Variants in PPL observed in about 807,000 individuals in gnomAD.
PPL encodes 190 kDa paraneoplastic pemphigus antigen.
PPL carries 198 observed loss-of-function variants against 194.4 expected under a neutral mutation model. That is an observed-to-expected ratio of 1.02 (90% CI 0.91 to 1.15). PPL has a LOEUF of 1.15. Ranked by LOEUF, PPL falls within the 50% of genes most tolerant of loss-of-function variation. PPL has a pLI of 0.00. For synonymous variants in PPL, 1,220 were observed against 972.4 expected, an observed-to-expected ratio of 1.25 and a Z score of -4.74; for missense variants, 2,885 against 2,294.8, an observed-to-expected ratio of 1.26 and a Z score of -5.25.
chr16:4,884,713 C>T lies in PPL; in HGVS notation c.3942G>A (p.Lys1314=), dbSNP rs145644158. 2 of 1,614,056 alleles carry T rather than the reference C, an allele frequency of 1.2e-6. No homozygotes were observed. The highest frequency in any genetic ancestry group is 1.3e-5 in the African/African-American group (1 of 74,932). ...TKEEVASLRA[K]LSEEQKKQVD... ...CTTGTTTCTTCTGCTCCTCTGAGAG[C>T]TTTGCCCTCAGAGACGCCACCTCCT... The change falls in exon 22 of 22, where the codon AAG becomes AAA. Residue 1314 remains lysine, a synonymous_variant. Transcript: ENST00000345988. This position sits in a 1 kb window ranked among gnomAD's most constrained non-coding sequence, Gnocchi z 5.7.
chr16:4,924,681 C>G (rs968057342), intron 1 of PPL, among the ~76,000 whole-genome samples: 3 of 152,170 alleles, frequency 2.0e-5, no homozygotes, highest in African/African-American at 7.2e-5. Flanking sequence ...CCCACTGGAG[C>G]CTGGTGCCTG....
intron 1 of PPL, among the ~76,000 whole-genome samples, chr16:4,928,487 G>C (rs1455318706): frequency 6.6e-6 from 1 of 152,258 alleles, no homozygotes; most frequent in Middle Eastern, 3.2e-3. Context: ...ACACACCAGA[G>C]CTGCTGGCTG....
intron 12 of PPL, 46 bp downstream of exon 12, chr16:4,894,421 T>C: frequency 6.2e-7 from 1 of 1,600,188 alleles, no homozygotes; most frequent in Non-Finnish European, 8.5e-7. Context: ...TGAGAAGCCC[T>C]GGGGGTGGGA....
At chr16:4,912,713 G>A (rs893646382) in intron 1 of PPL, among the ~76,000 whole-genome samples, 5 of 152,282 alleles carry the variant, frequency 3.3e-5, no homozygotes, top group South Asian at 4.1e-4. Flanking sequence ...ACTGGGTTCC[G>A]TGGTGACACT....
At position 4,890,285 on chromosome 16, in the gene PPL, C is replaced by G. The variant is rs765551088; in HGVS notation, c.2212G>C (p.Gly738Arg). The G allele has an allele frequency of 1.2e-6, 2 of 1,614,046 alleles. No homozygotes were observed. Among genetic ancestry groups the G allele is most frequent in the Non-Finnish European group, 1.7e-6 (2 of 1,180,038 alleles). The stretch of plus-strand genomic sequence containing the variant: ...AGGAACTGCAGCACGTGGTCATGGC[C>G]GCGGTGGAAGTGCTCGTAGGCTGCC... ...AKAAYEHFHR[G>R]HDHVLQFLVS... is the part of the protein sequence containing the mutation. The change falls in exon 18 of 22, where the codon GGC becomes CGC. Residue 738 changes from glycine (G) to arginine (R), a missense_variant. By Grantham distance (125) the Gly-to-Arg change is moderately radical. Coordinates refer to ENST00000345988, the MANE Select transcript of PPL (RefSeq NM_002705.5).
intron 2 of PPL, among the ~76,000 whole-genome samples, chr16:4,906,857 T>A (rs1174885674): frequency 1.3e-5 from 2 of 152,168 alleles, no homozygotes; most frequent in Non-Finnish European, 2.9e-5. Flanking sequence ...GTTATCTGGG[T>A]ACCTATTGAT....
intron 8 of PPL, among the ~76,000 whole-genome samples, chr16:4,898,503 T>C (rs960152898): frequency 2.6e-5 from 4 of 152,014 alleles, no homozygotes; most frequent in Non-Finnish European, 5.9e-5. Context: ...CTGACTGATA[T>C]CCTTATAAGA....
intron 1 of PPL, among the ~76,000 whole-genome samples, chr16:4,935,288 A>T (rs1363245733): frequency 6.6e-6 from 1 of 152,126 alleles, no homozygotes; most frequent in African/African-American, 2.4e-5. Context: ...CAGGATGGAG[A>T]GCTGCACGAA....
At chr16:4,914,734 A>G (rs1333549112) in intron 1 of PPL, among the ~76,000 whole-genome samples, 2 of 152,168 alleles carry the variant, frequency 1.3e-5, no homozygotes, top group Non-Finnish European at 2.9e-5. Flanking sequence ...GGAGAAAGCC[A>G]GTGTTTGGCG....
At chr16:4,895,781 G>A in intron 9 of PPL, 65 bp from the exon 10 acceptor site, 1 of 1,608,054 alleles carries the variant, frequency 6.2e-7, no homozygotes, top group Non-Finnish European at 8.5e-7. Context: ...TTCTGTCGGA[G>A]GCTTCAAGCT....
At chr16:4,925,625 T>C (rs2089142059) in intron 1 of PPL, among the ~76,000 whole-genome samples, 1 of 152,214 alleles carries the variant, frequency 6.6e-6, no homozygotes. Context: ...GGTGTTGAAC[T>C]GAGCAGATGT....
At position 4,885,098 on chromosome 16, in the gene PPL, C is replaced by G. The variant is rs2142325291; in HGVS notation, c.3557G>C (p.Ser1186Thr). Residue 1186 changes from serine (S) to threonine (T), a missense_variant, in exon 22 of 22, where the codon AGT (serine) becomes ACT (threonine). Transcript: ENST00000345988. This position sits in a 1 kb window ranked among gnomAD's most constrained non-coding sequence, Gnocchi z 6.3. Reference protein sequence around the residue: ...EIVRPDPKAESEVANLRLELV... With the variant: ...EIVRPDPKAETEVANLRLELV... ...CTCCAGGCGGAGGTTCGCCACTTCA[C>G]TTTCCGCCTTGGGGTCTGGCCGCAC... The G allele has an allele frequency of 6.2e-7, 1 of 1,613,904 alleles. No individual in the cohort carries two copies. Among genetic ancestry groups the G allele is most frequent in the Non-Finnish European group, 8.5e-7 (1 of 1,180,036 alleles).
In PPL at chr16:4,893,514, C is replaced by G. The variant is rs775241144; in HGVS notation, c.1492+27G>C. 7 of 1,609,860 alleles carry G rather than the reference C, an allele frequency of 4.3e-6. 1 individual carries two copies. In the Admixed American group the frequency reaches 1.2e-4, roughly 27 times the overall value. On this transcript the variant is annotated intron_variant, in intron 13 of 21. Transcript: ENST00000345988. ...CCCCTCCTCCCCGGTACCCCCAGAG[C>G]CTCAGGCGAGTGGCCCTGGCACCCA...
intron 1 of PPL, among the ~76,000 whole-genome samples, chr16:4,935,456 T>C (rs1490948109): frequency 1.3e-5 from 2 of 152,020 alleles, no homozygotes; most frequent in Non-Finnish European, 2.9e-5. Context: ...AATTGTGCAA[T>C]GCCCCAGGGA....
Position 4,885,044 on chromosome 16 carries a change from C to G in PPL, c.3611G>C (p.Gly1204Ala). Residue 1204 changes from glycine (G) to alanine (A), a missense_variant, in exon 22 of 22, where the codon GGT (glycine) becomes GCT (alanine). Transcript: ENST00000345988. The surrounding 1 kb of genome is among the most constrained non-coding windows in gnomAD (Gnocchi z 6.3). Reference protein sequence around the residue: ...ELVEQERKYRGAEEQLRSYQS... With the variant: ...ELVEQERKYRAAEEQLRSYQS... ...GTAGCTCCGGAGCTGCTCCTCGGCA[C>G]CCCGGTACTTTCGCTCCTGCTCCAC... The G allele has an allele frequency of 6.2e-7, 1 of 1,613,626 alleles. No homozygotes were observed. The highest frequency in any genetic ancestry group is 8.5e-7 in the Non-Finnish European group (1 of 1,180,024).
chr16:4,934,567 G>A (rs1191197864), intron 1 of PPL, among the ~76,000 whole-genome samples: 2 of 152,112 alleles, frequency 1.3e-5, no homozygotes, highest in African/African-American at 4.8e-5. Flanking sequence ...TCAACAGTGA[G>A]GCATTCTGCT....
chr16:4,894,691 C>T (rs1303215276), intron 11 of PPL, 73 bp from the exon 12 acceptor site: 5 of 1,549,776 alleles, frequency 3.2e-6, no homozygotes, highest in East Asian at 2.3e-5. Context: ...GCCATCTCAG[C>T]CCCCGACTCT....
At chr16:4,889,729 T>C (rs1248197734) in intron 18 of PPL, among the ~76,000 whole-genome samples, 1 of 152,216 alleles carries the variant, frequency 6.6e-6, no homozygotes, top group Non-Finnish European at 1.5e-5. Context: ...CTCCAGCTTA[T>C]GAGTGAGGAA....
At chr16:4,889,609 C>T (rs1445049090) in intron 18 of PPL, among the ~76,000 whole-genome samples, 2 of 152,128 alleles carry the variant, frequency 1.3e-5, no homozygotes, top group Admixed American at 6.5e-5. Flanking sequence ...ATTATCTCTG[C>T]TAGGAAACAA....
Sources: allele counts gnomAD v4.1 joint callset (sites outside exome capture counted in the v4.1 genomes callset), GRCh38; gene constraint gnomAD v4.1.1; non-coding constraint Gnocchi (gnomAD v3.1); transcripts MANE v1.5; gene names NCBI Gene and HGNC (gene_info 2026-07-23, HGNC 2026-07-21).